TTC34: variants seen among roughly 807,000 people sequenced by gnomAD.
The protein encoded by TTC34 is tetratricopeptide repeat domain 34, also known as tetratricopeptide repeat protein 34.
In TTC34, 44 loss-of-function variants were observed where a neutral mutation model predicts 40.7. That is an observed-to-expected ratio of 1.08 (90% confidence interval 0.85 to 1.39). The LOEUF (loss-of-function observed/expected upper bound fraction) is 1.39, where lower values mean the gene tolerates loss of function less well. Ranked by LOEUF, TTC34 falls within the 40% of genes most tolerant of loss-of-function variation. The pLI is 0.00. For synonymous variants in TTC34, 422 were observed against 398.6 expected (o/e 1.06, Z -0.70); for missense variants, 884 against 838.0 (o/e 1.05, Z -0.68).
intron 6 of TTC34, among the ~76,000 whole-genome samples, chr1:2,769,782 G>T (rs1299943723): frequency 3.9e-5 from 5 of 129,784 alleles, no homozygotes; most frequent in African/African-American, 6.4e-5. Flanking sequence ...GCGTGGAGCA[G>T]CGCCCACACC....
intron 8 of TTC34, among the ~76,000 whole-genome samples, chr1:2,643,184 G>C (rs1212079664): frequency 1.3e-5 from 2 of 152,224 alleles, no homozygotes; most frequent in African/African-American, 4.8e-5. Flanking sequence ...CTGAGCCCGC[G>C]GCTCGGGCCG....
At chr1:2,695,398 CCAGGT>C (rs1640815749) in intron 6 of TTC34, among the ~76,000 whole-genome samples, 1 of 91,758 alleles carries the variant, frequency 1.1e-5, no homozygotes, top group Non-Finnish European at 2.3e-5. Context: ...ACCCATACCC[CCAGGT>C]GAGCATCTGA....
At chr1:2,648,451 T>C (rs1309765114) in intron 6 of TTC34, among the ~76,000 whole-genome samples, 1 of 152,196 alleles carries the variant, frequency 6.6e-6, no homozygotes, top group African/African-American at 2.4e-5. Context: ...CCCAAGATGT[T>C]CAGAAAAGCC....
chr1:2,682,033 T>G, intron 6 of TTC34, among the ~76,000 whole-genome samples: 1 of 87,986 alleles, frequency 1.1e-5, no homozygotes, highest in South Asian at 4.2e-4. Flanking sequence ...TACCCACAGG[T>G]GAGCATCTGA....
At chr1:2,791,953 G>A (rs72849587) in intron 2 of TTC34, among the ~76,000 whole-genome samples, 2 of 137,754 alleles carry the variant, frequency 1.5e-5, no homozygotes, top group Admixed American at 7.9e-5. Context: ...TTCTACTGTC[G>A]CTAATATTTT....
intron 6 of TTC34, among the ~76,000 whole-genome samples, chr1:2,653,418 G>C (rs1639219443): frequency 6.6e-6 from 1 of 152,322 alleles, no homozygotes; most frequent in Admixed American, 6.5e-5. Context: ...CCCCAGGTGA[G>C]CATCTGACAG....
intron 6 of TTC34, among the ~76,000 whole-genome samples, chr1:2,687,497 C>A (rs1640418530): frequency 6.8e-6 from 1 of 147,998 alleles, no homozygotes; most frequent in Admixed American, 6.6e-5. Context: ...CTCAGGCGAG[C>A]ATCTGACATC....
chr1:2,801,285 C>T (rs913058490), intron 1 of TTC34, among the ~76,000 whole-genome samples: 1 of 152,036 alleles, frequency 6.6e-6, no homozygotes. Flanking sequence ...TCAGTCCAGG[C>T]AGCCCTCTCA....
intron 6 of TTC34, among the ~76,000 whole-genome samples, chr1:2,749,366 C>A (rs1277745693): frequency 2.2e-5 from 2 of 92,448 alleles, no homozygotes; most frequent in South Asian, 4.1e-4. Flanking sequence ...CCCACATGCC[C>A]AGGTGAGACC....
intron 6 of TTC34, among the ~76,000 whole-genome samples, chr1:2,682,067 C>T (rs1316905740): frequency 1.5e-5 from 2 of 132,740 alleles, no homozygotes; most frequent in Admixed American, 7.2e-5. Flanking sequence ...CACCCCACAC[C>T]CACAGGTGAG....
intron 6 of TTC34, among the ~76,000 whole-genome samples, chr1:2,752,373 C>A (rs1164255137): frequency 7.8e-6 from 1 of 127,622 alleles, no homozygotes; most frequent in Non-Finnish European, 1.6e-5. Flanking sequence ...ACCCACACCC[C>A]CAGGCGAGCA....
chr1:2,659,744 A>T, intron 6 of TTC34, among the ~76,000 whole-genome samples: 1 of 150,378 alleles, frequency 6.6e-6, no homozygotes, highest in Non-Finnish European at 1.5e-5. Flanking sequence ...AGCAGCACCC[A>T]CACCCCCAGG....
At chr1:2,687,143 C>A (rs1452550498) in intron 6 of TTC34, among the ~76,000 whole-genome samples, 5 of 143,194 alleles carry the variant, frequency 3.5e-5, no homozygotes, top group African/African-American at 1.2e-4. Context: ...GAGCATCTGA[C>A]AGCCTGGAAC....
At chr1:2,777,438 C>T (rs1643267440) in intron 6 of TTC34, among the ~76,000 whole-genome samples, 1 of 150,576 alleles carries the variant, frequency 6.6e-6, no homozygotes, top group East Asian at 1.9e-4. Flanking sequence ...CATCTGACAG[C>T]ATGGACAAGT....
At chr1:2,780,739 G>A (rs1643469294) in intron 6 of TTC34, among the ~76,000 whole-genome samples, 1 of 151,990 alleles carries the variant, frequency 6.6e-6, no homozygotes, top group Admixed American at 6.6e-5. Context: ...GGCTGTTTGG[G>A]GTCCCCTGAG....
intron 6 of TTC34, among the ~76,000 whole-genome samples, chr1:2,688,004 C>G (rs1420080439): frequency 9.6e-4 from 99 of 102,672 alleles, no homozygotes; most frequent in Admixed American, 1.7e-3. Context: ...ACAGGACCCA[C>G]ACCCCCAGGC....
At chr1:2,690,162 T>C (rs559231456) in intron 6 of TTC34, among the ~76,000 whole-genome samples, 2 of 149,726 alleles carry the variant, frequency 1.3e-5, no homozygotes, top group East Asian at 4.0e-4. Flanking sequence ...TCTGACATCG[T>C]GGAGCAGCAC....
rs74641181 is a variant in TTC34, at chr1:2,687,245, C to A, written c.2227-41682G>T. Reference sequence around the variant, plus strand: ...CGACAGCCTGGAGCAGCACCCACACCCCCAGGTGCGCATCTGATGGTCTGG... The same window carrying A: ...CGACAGCCTGGAGCAGCACCCACACACCCAGGTGCGCATCTGATGGTCTGG... On this transcript the variant is annotated intron_variant, in intron 6 of 8. Transcript: ENST00000401095. Among the ~76,000 whole-genome samples, 147 of 145,104 alleles carry A rather than the reference C, an allele frequency of 1.0e-3. 1 individual carries two copies. Among genetic ancestry groups the A allele is most frequent in the Admixed American group, 1.5e-3 (23 of 14,846 alleles).
At chr1:2,698,979 GAGCA>G (rs2100404480) in intron 6 of TTC34, among the ~76,000 whole-genome samples, 1 of 138,228 alleles carries the variant, frequency 7.2e-6, no homozygotes, top group Non-Finnish European at 1.6e-5. Context: ...CCCCCCAGGT[GAGCA>G]TCTGACAGCC....
Sources: allele counts gnomAD v4.1 joint callset (sites outside exome capture counted in the v4.1 genomes callset), GRCh38; gene constraint gnomAD v4.1.1; transcripts MANE v1.5; gene names NCBI Gene and HGNC (gene_info 2026-07-23, HGNC 2026-07-21).